LTBP2: variants seen among roughly 807,000 people sequenced by gnomAD.
LTBP2 encodes the protein latent transforming growth factor beta binding protein 2, also known as latent-transforming growth factor beta-binding protein 2.
Under a neutral mutation model 210.6 loss-of-function variants are expected in LTBP2, and 103 were observed. That is an observed-to-expected ratio of 0.49 (90% CI 0.42 to 0.58). The LOEUF (loss-of-function observed/expected upper bound fraction) is 0.58, where lower values mean the gene tolerates loss of function less well. Ranked by LOEUF, LTBP2 falls within the 20% of genes least tolerant of loss-of-function variation. The probability of loss-of-function intolerance (pLI) is 0.00; values close to 1 mark genes in which losing one functional copy is unlikely to be tolerated. For synonymous variants in LTBP2, 1,007 were observed against 1,015.0 expected, an observed-to-expected ratio of 0.99 and a Z score of 0.15; for missense variants, 2,313 against 2,494.5, an observed-to-expected ratio of 0.93 and a Z score of 1.55.
At chr14:74,546,373 G>A (rs551312173) in intron 8 of LTBP2, among the ~76,000 whole-genome samples, 95 of 152,058 alleles carry the variant, frequency 6.2e-4, no homozygotes, top group Non-Finnish European at 1.1e-3. Flanking sequence ...TTAAAGAAAT[G>A]TGCCCACCCC....
intron 9 of LTBP2, among the ~76,000 whole-genome samples, chr14:74,534,131 G>T (rs2087388308): frequency 6.6e-6 from 1 of 152,182 alleles, no homozygotes; most frequent in Non-Finnish European, 1.5e-5. Context: ...AAATGGGAAG[G>T]GGCAGTGATC....
At chr14:74,509,991 G>T in intron 20 of LTBP2, 100 bp downstream of exon 20, 1 of 1,610,296 alleles carries the variant, frequency 6.2e-7, no homozygotes, top group Non-Finnish European at 8.5e-7. Context: ...AGGGATGCAA[G>T]GCCAGGGGTG....
intron 3 of LTBP2, among the ~76,000 whole-genome samples, chr14:74,571,027 C>T (rs1293959270): frequency 3.4e-5 from 5 of 149,158 alleles, no homozygotes; most frequent in Non-Finnish European, 7.4e-5. Flanking sequence ...AACCACTTTT[C>T]TTTATATTAA....
chr14:74,589,732 G>A (rs562206260), intron 2 of LTBP2, among the ~76,000 whole-genome samples: 1 of 152,340 alleles, frequency 6.6e-6, no homozygotes, highest in East Asian at 1.9e-4. Context: ...AGCCACGCCA[G>A]TGCTAGTGAA....
intron 1 of LTBP2, among the ~76,000 whole-genome samples, chr14:74,608,828 C>T (rs2088566552): frequency 6.6e-6 from 1 of 151,934 alleles, no homozygotes; most frequent in African/African-American, 2.4e-5. Flanking sequence ...ACTCTGGTCA[C>T]TGCTGTATCC....
rs1595234028 is a variant in LTBP2 at position 74,499,762 on chromosome 14, T to C, written c.*1122A>G. On this transcript the variant is annotated 3_prime_UTR_variant, in exon 36 of 36. Coordinates refer to ENST00000261978, the MANE Select transcript of LTBP2 (RefSeq NM_000428.3). Reference sequence around the variant, plus strand: ...AATAAAAACAACAGAAGAGACCAGATGCACATTTCTTTATTCCACCATGGT... The same window carrying C: ...AATAAAAACAACAGAAGAGACCAGACGCACATTTCTTTATTCCACCATGGT... The C allele has an allele frequency of 8.8e-6, 2 of 227,938 alleles. No individual in the cohort carries two copies. Among genetic ancestry groups the C allele is most frequent in the East Asian group, 1.3e-4 (2 of 15,864 alleles). The allele number at this position is 227,938 out of a possible 1,614,324, so 14.1% of individuals were successfully genotyped here.
chr14:74,578,317 G>C (rs187088402), intron 3 of LTBP2, among the ~76,000 whole-genome samples: 1 of 152,216 alleles, frequency 6.6e-6, no homozygotes, highest in Non-Finnish European at 1.5e-5. Flanking sequence ...CAGACACCCC[G>C]CGAATCGTGC....
At chr14:74,547,088 C>CT (rs2087586775) in intron 8 of LTBP2, among the ~76,000 whole-genome samples, 1 of 152,270 alleles carries the variant, frequency 6.6e-6, no homozygotes, top group Non-Finnish European at 1.5e-5. Flanking sequence ...GGCTCCAGAG[C>CT]TTGGGACAGG....
At chr14:74,567,223 G>A (rs975040192) in intron 3 of LTBP2, among the ~76,000 whole-genome samples, 4 of 152,144 alleles carry the variant, frequency 2.6e-5, no homozygotes, top group Admixed American at 2.0e-4. Context: ...TTTCTAAAGG[G>A]TCCAGAGACT....
chr14:74,522,744 C>G, intron 16 of LTBP2, 46 bp downstream of exon 16: 1 of 1,584,106 alleles, frequency 6.3e-7, no homozygotes, highest in Non-Finnish European at 8.6e-7. Context: ...CCCCTGCTCC[C>G]ATCTACCCCA....
chr14:74,587,428 G>C (rs749953948), intron 2 of LTBP2, among the ~76,000 whole-genome samples: 1 of 151,830 alleles, frequency 6.6e-6, no homozygotes, highest in African/African-American at 2.4e-5. Flanking sequence ...GGTCCAGGCC[G>C]AACCAGGAGA....
intron 4 of LTBP2, among the ~76,000 whole-genome samples, chr14:74,554,700 T>C (rs967828006): frequency 5.3e-5 from 8 of 152,016 alleles, no homozygotes; most frequent in Admixed American, 2.0e-4. Context: ...AGGATTCTAT[T>C]TGGAGTGATA....
At position 74,509,248 on chromosome 14, in the gene LTBP2, G is replaced by A. The variant is rs772222267; in HGVS notation, c.3393C>T (p.Asp1131=). ...DGGYRPSPLG[D]SCEDVDECED... The stretch of plus-strand genomic sequence containing the variant: ...CACAGAGGCTCATACCTTCACAGGA[G>A]TCACCCAGGGGGCTGGGCCGGTAGC... Residue 1131 remains aspartate (D), a synonymous_variant, in exon 22 of 36, where the codon GAC becomes GAT. Coordinates refer to ENST00000261978, the MANE Select transcript of LTBP2 (RefSeq NM_000428.3). 1.9e-6 allele frequency: 3 copies of A among 1,613,516 alleles called. No individual in the cohort carries two copies. The South Asian group carries it at 3.3e-5, about 18-fold the overall frequency.
chr14:74,522,982 G>A lies in LTBP2; in HGVS notation c.2531-64C>T, dbSNP rs190081970. On this transcript the variant is annotated intron_variant, in intron 15 of 35. Transcript: ENST00000261978. The stretch of plus-strand genomic sequence containing the variant: ...GGGTGCTGGACAAAGGCAGTGGAGC[G>A]GGGTGGGGACAGTCAGTGGCCAGGG... 1.2e-4 allele frequency: 192 copies of A among 1,575,756 alleles called. No individual in the cohort carries two copies. In the African/African-American group the frequency reaches 1.6e-3, roughly 13 times the overall value.
intron 2 of LTBP2, among the ~76,000 whole-genome samples, chr14:74,591,557 C>T (rs1051638903): frequency 1.7e-4 from 26 of 152,324 alleles, no homozygotes; most frequent in Middle Eastern, 3.4e-3. Context: ...AACCAGCTCT[C>T]GCCGGCTTCA....
intron 17 of LTBP2, among the ~76,000 whole-genome samples, chr14:74,517,257 T>C (rs1183184537): frequency 1.3e-5 from 2 of 152,128 alleles, no homozygotes; most frequent in African/African-American, 4.8e-5. Context: ...TAGCAGTCCA[T>C]ACAGTATAAA....
intron 30 of LTBP2, among the ~76,000 whole-genome samples, chr14:74,504,276 G>T (rs1595238229): frequency 6.6e-6 from 1 of 152,356 alleles, no homozygotes; most frequent in Admixed American, 6.5e-5. Context: ...TCAAAAAAGT[G>T]CACGGCGTGT....
chr14:74,556,464 C>G (rs1317170305), intron 3 of LTBP2, among the ~76,000 whole-genome samples: 2 of 152,240 alleles, frequency 1.3e-5, no homozygotes, highest in African/African-American at 4.8e-5. Context: ...AGATGAATCA[C>G]AACTTATTTA....
At chr14:74,572,690 C>A (rs551405429) in intron 3 of LTBP2, among the ~76,000 whole-genome samples, 2 of 152,212 alleles carry the variant, frequency 1.3e-5, no homozygotes, top group African/African-American at 4.8e-5. Context: ...CTGAAAAAAT[C>A]TCCATTATGA....
Sources: allele counts gnomAD v4.1 joint callset (sites outside exome capture counted in the v4.1 genomes callset), GRCh38; gene constraint gnomAD v4.1.1; transcripts MANE v1.5; gene names NCBI Gene and HGNC (gene_info 2026-07-23, HGNC 2026-07-21).